The following CHL1 variants were observed in gnomAD, a reference collection of about 807,000 sequenced individuals.
The protein encoded by CHL1 is cell adhesion molecule L1 like.
CHL1 carries 96 observed loss-of-function variants against 141.9 expected under a neutral mutation model. The ratio of observed to expected loss-of-function variants is 0.68; its 90% CI spans 0.57 to 0.80. The LOEUF is 0.80. CHL1 is among the 30% of genes least tolerant of loss of function. The probability of loss-of-function intolerance (pLI) is 0.00; values close to 1 mark genes in which losing one functional copy is unlikely to be tolerated. For synonymous variants in CHL1, 613 were observed against 502.2 expected (o/e 1.22, Z -2.95); for missense variants, 1,820 against 1,457.2 (o/e 1.25, Z -4.05).
In CHL1 at chr3:197,823, C is replaced by G. The variant is rs1183077734; in HGVS notation, c.-175+760C>G. ...GCGGAGCCCGGGGGGCTGGAGATGC[C>G]GGTCGCGGATGGTCCCTTCTTCCTC... On this transcript the variant is annotated intron_variant, in intron 1 of 27. Coordinates refer to ENST00000256509, the MANE Select transcript of CHL1 (RefSeq NM_006614.4). The G allele has an allele frequency of 2.4e-5, 11 of 454,902 alleles. No homozygotes were observed. In the East Asian group the frequency reaches 6.3e-4, roughly 26 times the overall value. 28.2% of individuals were successfully genotyped at this position (454,902 alleles called of 1,614,324 possible).
chr3:363,120 G>A, intron 13 of CHL1, 97 bp from the exon 14 acceptor site: 1 of 1,007,502 alleles, frequency 9.9e-7, no homozygotes, highest in Non-Finnish European at 1.5e-6. Flanking sequence ...CTGAGCTATT[G>A]AAAGGGGATT....
rs369783205 is a variant in CHL1 at position 377,867 on chromosome 3, G to C, written c.1801G>C (p.Asp601His). The C allele has an allele frequency of 6.2e-6, 10 of 1,610,918 alleles. No individual in the cohort carries two copies. Among genetic ancestry groups the C allele is most frequent in the Non-Finnish European group, 5.1e-6 (6 of 1,177,514 alleles). Residue 601 changes from aspartate to histidine, a missense_variant, in exon 16 of 28, where the codon GAC becomes CAC. Coordinates refer to ENST00000256509, the MANE Select transcript of CHL1 (RefSeq NM_006614.4). ...GACCATATCTAATGTAACTTTAGAG[G>C]ACCAAGGTATTTACTGCTGTTCAGC... ...NLTISNVTLE[D>H]QGIYCCSAHT...
chr3:277,452 G>A (rs1247099597), intron 2 of CHL1, among the ~76,000 whole-genome samples: 3 of 152,068 alleles, frequency 2.0e-5, no homozygotes, highest in Admixed American at 2.0e-4. Context: ...TTGACAACTG[G>A]CAGAAGAACA....
chr3:375,264 A>G (rs950002550), intron 15 of CHL1, among the ~76,000 whole-genome samples: 3 of 152,026 alleles, frequency 2.0e-5, no homozygotes, highest in African/African-American at 7.2e-5. Context: ...AACAAAGGTA[A>G]TGGGGACTGT....
chr3:320,014 C>A (rs1033693306), intron 3 of CHL1, 147 bp downstream of exon 3: 22 of 571,582 alleles, frequency 3.8e-5, no homozygotes, highest in Middle Eastern at 4.7e-4. Context: ...TCATATCTAT[C>A]TTTTTCGTTT....
intron 26 of CHL1, 70 bp from the exon 27 acceptor site, chr3:401,556 C>A (rs1399072332): frequency 3.4e-6 from 3 of 876,268 alleles, no homozygotes; most frequent in Non-Finnish European, 5.5e-6. Context: ...ATTAACTATT[C>A]CACAGCACTG....
At chr3:219,828 A>T (rs1700666204) in intron 1 of CHL1, among the ~76,000 whole-genome samples, 1 of 152,222 alleles carries the variant, frequency 6.6e-6, no homozygotes, top group South Asian at 2.1e-4. Flanking sequence ...TGTACCCCTG[A>T]ACTTAAAATG....
intron 6 of CHL1, 31 bp from the exon 7 acceptor site, chr3:341,880 GC>G: frequency 6.5e-7 from 1 of 1,529,986 alleles, no homozygotes; most frequent in Non-Finnish European, 8.9e-7. Flanking sequence ...AGGGACAATT[GC>G]CCTTTTCAAT....
chr3:292,286 G>T (rs746780307), intron 2 of CHL1, among the ~76,000 whole-genome samples: 2 of 152,182 alleles, frequency 1.3e-5, no homozygotes, highest in Non-Finnish European at 2.9e-5. Flanking sequence ...CTTGAATGGG[G>T]CTAATCTGTT....
chr3:326,300 G>A (rs78588718), intron 4 of CHL1, among the ~76,000 whole-genome samples: 8 of 152,084 alleles, frequency 5.3e-5, no homozygotes, highest in African/African-American at 1.7e-4. Context: ...AATACTTAGA[G>A]TAGTCTTTGG....
At chr3:328,732 G>A (rs1050328663) in intron 5 of CHL1, among the ~76,000 whole-genome samples, 2 of 152,122 alleles carry the variant, frequency 1.3e-5, no homozygotes, top group African/African-American at 4.8e-5. Context: ...TGTGGGCCTG[G>A]CAACTCTTTC....
chr3:267,597 G>A (rs1238572253), intron 2 of CHL1, among the ~76,000 whole-genome samples: 1 of 152,096 alleles, frequency 6.6e-6, no homozygotes, highest in Non-Finnish European at 1.5e-5. Context: ...TTTTGAGGAT[G>A]TAAAATTGCC....
At chr3:282,280 C>T (rs2125300906) in intron 2 of CHL1, among the ~76,000 whole-genome samples, 1 of 152,248 alleles carries the variant, frequency 6.6e-6, no homozygotes, top group African/African-American at 2.4e-5. Flanking sequence ...TTCTTTCCTC[C>T]TTGGCTGTTA....
intron 3 of CHL1, among the ~76,000 whole-genome samples, chr3:324,879 C>G (rs1165622343): frequency 6.6e-6 from 1 of 151,806 alleles, no homozygotes. Context: ...TGTGAGGCAC[C>G]AAGTGTGGCC....
intron 10 of CHL1, among the ~76,000 whole-genome samples, chr3:350,821 T>C (rs1425641480): frequency 6.6e-6 from 1 of 152,198 alleles, no homozygotes; most frequent in East Asian, 1.9e-4. Flanking sequence ...TGCATTAACG[T>C]CAACATCTGC....
chr3:334,519 T>A (rs1021860498), intron 5 of CHL1, among the ~76,000 whole-genome samples: 7 of 152,220 alleles, frequency 4.6e-5, no homozygotes, highest in Admixed American at 1.3e-4. Flanking sequence ...ACATTTCATA[T>A]AATTGGAATC....
chr3:240,443 A>AT (rs1692446940), intron 1 of CHL1, among the ~76,000 whole-genome samples: 1 of 151,396 alleles, frequency 6.6e-6, no homozygotes. Flanking sequence ...TTATGATGGG[A>AT]TTTTTTGTTT....
rs5030974 is a variant in CHL1 at position 407,534 on chromosome 3, T to C, written c.*1823T>C. The C allele has an allele frequency of 0.056, 8,488 of 152,124 alleles. 478 individuals carry two copies. The highest frequency in any genetic ancestry group is 0.14 in the African/African-American group (5,855 of 41,492). 9.4% of individuals were successfully genotyped at this position (152,124 alleles called of 1,614,324 possible). On this transcript the variant is annotated 3_prime_UTR_variant, in exon 28 of 28. Transcript: ENST00000256509. ...CTGTGTGAATGTGAGGATGTAGACA[T>C]CCATCAGTGCAACTCGAGCTCCATC... is the stretch of plus-strand genomic sequence containing the variant.
chr3:371,520 C>T (rs77935680), intron 15 of CHL1, among the ~76,000 whole-genome samples: 1 of 152,172 alleles, frequency 6.6e-6, no homozygotes, highest in African/African-American at 2.4e-5. Context: ...AGATGGGTCT[C>T]CTGAATACAG....
Sources: allele counts gnomAD v4.1 joint callset (sites outside exome capture counted in the v4.1 genomes callset), GRCh38; gene constraint gnomAD v4.1.1; transcripts MANE v1.5; gene names NCBI Gene and HGNC (gene_info 2026-07-23, HGNC 2026-07-21).